SND1: variants seen among roughly 807,000 people sequenced by gnomAD.
SND1 encodes staphylococcal nuclease and tudor domain containing 1.
Under a neutral mutation model 121.7 loss-of-function variants are expected in SND1, and 38 were observed. The ratio of observed to expected loss-of-function variants is 0.31; its 90% CI spans 0.24 to 0.41. The LOEUF (loss-of-function observed/expected upper bound fraction) is 0.41. Ranked by LOEUF, SND1 falls within the 10% of genes least tolerant of loss-of-function variation. The probability of loss-of-function intolerance (pLI) is 1.00; values close to 1 mark genes in which losing one functional copy is unlikely to be tolerated. For missense variants in SND1, 868 were observed against 1,184.6 expected, an observed-to-expected ratio of 0.73 and a Z score of 3.92; for synonymous variants, 401 against 447.4, an observed-to-expected ratio of 0.90 and a Z score of 1.31.
intron 14 of SND1, among the ~76,000 whole-genome samples, chr7:127,907,440 A>G (rs1165844315): frequency 6.6e-6 from 1 of 152,214 alleles, no homozygotes; most frequent in Non-Finnish European, 1.5e-5. Flanking sequence ...ACATATACGT[A>G]ATGGTTTCAC....
chr7:127,707,764 G>GGTGTGTGT, intron 9 of SND1, 117 bp downstream of exon 9: 1 of 558,170 alleles, frequency 1.8e-6, no homozygotes, highest in Non-Finnish European at 3.1e-6. Flanking sequence ...CAAGCCAGTA[G>GGTGTGTGT]GAGTGTGTGT....
intron 10 of SND1, among the ~76,000 whole-genome samples, chr7:127,790,341 T>C (rs1188393017): frequency 6.6e-6 from 1 of 152,162 alleles, no homozygotes; most frequent in Non-Finnish European, 1.5e-5. Context: ...CGATCAGCTC[T>C]TCTAGGACAA....
intron 1 of SND1, among the ~76,000 whole-genome samples, chr7:127,670,250 A>C (rs1331817769): frequency 6.6e-6 from 1 of 151,964 alleles, no homozygotes; most frequent in Non-Finnish European, 1.5e-5. Flanking sequence ...CAGCCTCCCA[A>C]AGTGCTGGGA....
intron 16 of SND1, among the ~76,000 whole-genome samples, chr7:128,063,954 G>T (rs539395342): frequency 6.6e-6 from 1 of 152,214 alleles, no homozygotes; most frequent in African/African-American, 2.4e-5. Flanking sequence ...GCTCTGAGGC[G>T]CTTATTCTGT....
chr7:127,904,959 G>A (rs1318014973), intron 14 of SND1, 140 bp downstream of exon 14: 1 of 606,474 alleles, frequency 1.6e-6, no homozygotes, highest in African/African-American at 1.8e-5. Context: ...CCCACCCCGG[G>A]GCATCTACTT....
At chr7:127,763,773 T>A (rs994586105) in intron 10 of SND1, among the ~76,000 whole-genome samples, 1 of 152,158 alleles carries the variant, frequency 6.6e-6, no homozygotes, top group Non-Finnish European at 1.5e-5. Context: ...TTCTGCATTA[T>A]GTTTCAGAAG....
intron 21 of SND1, among the ~76,000 whole-genome samples, chr7:128,087,296 A>AG (rs1398584621): frequency 1.3e-5 from 2 of 152,146 alleles, no homozygotes; most frequent in Non-Finnish European, 2.9e-5. Context: ...GCTGGATCCC[A>AG]GGGGGCTTTT....
intron 16 of SND1, among the ~76,000 whole-genome samples, chr7:128,073,048 A>AG (rs1793440200): frequency 6.6e-6 from 1 of 152,064 alleles, no homozygotes. Context: ...TGGATGGTGG[A>AG]GGGGGCAGAG....
intron 12 of SND1, among the ~76,000 whole-genome samples, chr7:127,852,973 G>A (rs1271405705): frequency 6.6e-6 from 1 of 152,072 alleles, no homozygotes; most frequent in Non-Finnish European, 1.5e-5. Flanking sequence ...TTTACTATTT[G>A]GGGTAGGCAT....
chr7:127,920,246 A>G (rs1325972723), intron 14 of SND1, among the ~76,000 whole-genome samples: 1 of 152,226 alleles, frequency 6.6e-6, no homozygotes, highest in African/African-American at 2.4e-5. Context: ...TGTCTATGAA[A>G]TAGTTTATAG....
rs530503067 is a variant in SND1, at chr7:127,998,214, G to A, written c.1779+7158G>A. ...ATGGTTCTTTAGGAAAGCTCTCCAAGCTTGGCATTTGTCAGGGTGGGAGGA... is the reference window on the plus strand; with the variant it reads ...ATGGTTCTTTAGGAAAGCTCTCCAAACTTGGCATTTGTCAGGGTGGGAGGA... On this transcript the variant is annotated intron_variant, in intron 16 of 23. Transcript: ENST00000354725. 4.1e-3 allele frequency: 1,315 copies of A among 317,234 alleles called. 38 individuals are homozygous for A. The highest frequency in any genetic ancestry group is 0.034 in the South Asian group (1,269 of 37,070). The allele number at this position is 317,234 out of a possible 1,614,324, so 19.7% of individuals were successfully genotyped here. A position where few individuals can be genotyped will look rare whatever the true frequency, so the allele number is the denominator to read the frequency against.
intron 16 of SND1, among the ~76,000 whole-genome samples, chr7:128,059,159 C>T (rs144880822): frequency 6.6e-6 from 1 of 152,154 alleles, no homozygotes; most frequent in South Asian, 2.1e-4. Context: ...TGCCTTTCTC[C>T]CCACCTGTGA....
rs1287696032 is a variant in SND1 at position 127,653,649 on chromosome 7, A to G, written c.78+1198A>G. Among the ~76,000 whole-genome samples the G allele has an allele frequency of 2.0e-5, 3 of 152,164 alleles. No homozygotes were observed. In the South Asian group the frequency reaches 6.2e-4, roughly 31 times the overall value. Reference sequence around the variant, plus strand: ...CATAGCAAGACCCAGTTTAAAAAAAATTCTATTTTATTACCCTGTTATCTT... The same window carrying G: ...CATAGCAAGACCCAGTTTAAAAAAAGTTCTATTTTATTACCCTGTTATCTT... On this transcript the variant is annotated intron_variant, in intron 1 of 23. Coordinates refer to ENST00000354725, the MANE Select transcript of SND1 (RefSeq NM_014390.4).
chr7:127,766,503 C>CGATGG (rs1259906655), intron 10 of SND1, among the ~76,000 whole-genome samples: 1 of 152,070 alleles, frequency 6.6e-6, no homozygotes, highest in Non-Finnish European at 1.5e-5. Flanking sequence ...AGGCCGGGCG[C>CGATGG]GATGGCTCAT....
At position 127,988,684 on chromosome 7, in the gene SND1, G is replaced by A. The variant is rs1802452949; in HGVS notation, c.1670-2263G>A. Among the ~76,000 whole-genome samples the A allele has an allele frequency of 1.3e-5, 2 of 152,178 alleles. 1 individual carries two copies. The highest frequency in any genetic ancestry group is 4.1e-4 in the South Asian group (2 of 4,822). On this transcript the variant is annotated intron_variant, in intron 15 of 23. Coordinates refer to ENST00000354725, the MANE Select transcript of SND1 (RefSeq NM_014390.4). Reference sequence around the variant, plus strand: ...AAGAGAGTGACAAAGGAGTAGAGTGGTACTCAGTAAGTGAAGCTCGGAAAT... The same window carrying A: ...AAGAGAGTGACAAAGGAGTAGAGTGATACTCAGTAAGTGAAGCTCGGAAAT...
At chr7:127,860,290 C>G (rs1208164336) in intron 12 of SND1, among the ~76,000 whole-genome samples, 2 of 152,194 alleles carry the variant, frequency 1.3e-5, no homozygotes, top group African/African-American at 4.8e-5. Context: ...CAAGCAGTAG[C>G]AATGAAGCCA....
At chr7:127,687,940 G>A (rs1479003904) in intron 2 of SND1, among the ~76,000 whole-genome samples, 2 of 149,514 alleles carry the variant, frequency 1.3e-5, no homozygotes, top group Admixed American at 6.6e-5. Flanking sequence ...TTTCTGCCTC[G>A]CCCTAAAGTA....
intron 2 of SND1, among the ~76,000 whole-genome samples, chr7:127,690,236 C>G (rs149768112): frequency 6.6e-6 from 1 of 152,238 alleles, no homozygotes; most frequent in East Asian, 1.9e-4. Context: ...TTAGTAATTC[C>G]TCATTACCTC....
At chr7:127,828,977 G>A (rs1278329240) in intron 11 of SND1, among the ~76,000 whole-genome samples, 1 of 152,174 alleles carries the variant, frequency 6.6e-6, no homozygotes, top group Non-Finnish European at 1.5e-5. Flanking sequence ...GGCGGAAGAG[G>A]AGTCAGCTTA....
Sources: allele counts gnomAD v4.1 joint callset (sites outside exome capture counted in the v4.1 genomes callset), GRCh38; gene constraint gnomAD v4.1.1; transcripts MANE v1.5; gene names NCBI Gene and HGNC (gene_info 2026-07-23, HGNC 2026-07-21).